The following CAMK4 variants were observed in gnomAD, a reference collection of about 807,000 sequenced individuals.
The protein encoded by CAMK4 is calcium/calmodulin dependent protein kinase IV, also known as calcium/calmodulin-dependent protein kinase type IV.
CAMK4 carries 22 observed loss-of-function variants against 44.9 expected under a neutral mutation model. That is an observed-to-expected ratio of 0.49 (90% CI 0.35 to 0.70). CAMK4 has a LOEUF of 0.70. Ranked by LOEUF, CAMK4 falls within the 30% of genes least tolerant of loss-of-function variation. CAMK4 has a pLI of 0.01. For synonymous variants in CAMK4, 218 were observed against 215.4 expected (o/e 1.01, Z -0.11); for missense variants, 498 against 586.8 (o/e 0.85, Z 1.56).
chr5:111,468,169 G>C (rs1283203426), intron 7 of CAMK4, among the ~76,000 whole-genome samples: 3 of 152,126 alleles, frequency 2.0e-5, no homozygotes, highest in Admixed American at 6.5e-5. Flanking sequence ...GGAGACTCAG[G>C]GGAAAGGGTG....
intron 1 of CAMK4, among the ~76,000 whole-genome samples, chr5:111,234,474 T>G (rs1748625223): frequency 6.6e-6 from 1 of 151,792 alleles, no homozygotes; most frequent in Non-Finnish European, 1.5e-5. Context: ...GGTCATGGAG[T>G]TGAGAGGGAA....
At chr5:111,351,056 C>T (rs1428349471) in intron 2 of CAMK4, among the ~76,000 whole-genome samples, 1 of 152,074 alleles carries the variant, frequency 6.6e-6, no homozygotes, top group African/African-American at 2.4e-5. Flanking sequence ...ACTGGGTAAA[C>T]TGAGGATTAC....
rs533862556 is a variant in CAMK4, at chr5:111,465,327, A to T, written c.626-7984A>T. Among the ~76,000 whole-genome samples, 9 of 152,172 alleles carry T rather than the reference A, an allele frequency of 5.9e-5. No homozygotes were observed. In the East Asian group the frequency reaches 1.7e-3, roughly 29 times the overall value. On this transcript the variant is annotated intron_variant, in intron 7 of 10. Coordinates refer to ENST00000282356, the MANE Select transcript of CAMK4 (RefSeq NM_001744.6). ...ACAAGAACAAACCCAACTCAACCCA[A>T]GCAGAAGAAAAGAAATAACTAAGAT...
At chr5:111,413,019 G>A (rs1204598571) in intron 5 of CAMK4, among the ~76,000 whole-genome samples, 4 of 152,088 alleles carry the variant, frequency 2.6e-5, no homozygotes, top group African/African-American at 9.7e-5. Flanking sequence ...ACTGCTGTAC[G>A]CCGCTGCTTC....
At chr5:111,425,634 T>C (rs1300487990) in intron 5 of CAMK4, among the ~76,000 whole-genome samples, 1 of 152,258 alleles carries the variant, frequency 6.6e-6, no homozygotes, top group Non-Finnish European at 1.5e-5. Flanking sequence ...ATTAGCATGG[T>C]TTGTTATGAC....
intron 5 of CAMK4, among the ~76,000 whole-genome samples, chr5:111,413,792 C>CT (rs1406575099): frequency 1.3e-5 from 2 of 151,972 alleles, no homozygotes; most frequent in African/African-American, 2.4e-5. Context: ...TGTAAAATCA[C>CT]TACCAATACG....
chr5:111,336,393 A>G (rs547535049), intron 1 of CAMK4, among the ~76,000 whole-genome samples: 1 of 151,366 alleles, frequency 6.6e-6, no homozygotes, highest in Non-Finnish European at 1.5e-5. Context: ...TTTTATTTTT[A>G]TATGAACATG....
intron 5 of CAMK4, among the ~76,000 whole-genome samples, chr5:111,427,638 A>G (rs911085184): frequency 1.2e-4 from 18 of 152,180 alleles, no homozygotes; most frequent in African/African-American, 4.1e-4. Context: ...GGTAGTGGCT[A>G]TGGGCTGCTC....
chr5:111,350,961 T>C (rs1368861412), intron 2 of CAMK4, among the ~76,000 whole-genome samples: 1 of 152,116 alleles, frequency 6.6e-6, no homozygotes, highest in Non-Finnish European at 1.5e-5. Context: ...TTGTTCCAAT[T>C]TCTTGGTAGA....
At chr5:111,469,652 G>A (rs778695652) in intron 7 of CAMK4, among the ~76,000 whole-genome samples, 3 of 152,194 alleles carry the variant, frequency 2.0e-5, no homozygotes, top group African/African-American at 4.8e-5. Context: ...TGGCCTGCAC[G>A]GGGTGGGAGG....
chr5:111,258,780 T>TGTGC (rs1193017168), intron 1 of CAMK4, among the ~76,000 whole-genome samples: 1 of 147,454 alleles, frequency 6.8e-6, no homozygotes, highest in Non-Finnish European at 1.5e-5. Context: ...TGTGTGTGTG[T>TGTGC]GTGCAGTCTT....
At chr5:111,395,962 A>G (rs1751991743) in intron 5 of CAMK4, among the ~76,000 whole-genome samples, 1 of 152,182 alleles carries the variant, frequency 6.6e-6, no homozygotes, top group Admixed American at 6.5e-5. Flanking sequence ...TTTAACTAAA[A>G]TCATTATCCA....
At chr5:111,323,071 G>C (rs1027600931) in intron 1 of CAMK4, among the ~76,000 whole-genome samples, 3 of 151,928 alleles carry the variant, frequency 2.0e-5, no homozygotes, top group African/African-American at 7.2e-5. Context: ...GTGATAAATG[G>C]GCAGAAAAAA....
chr5:111,437,407 C>T (rs903455758), intron 5 of CAMK4, among the ~76,000 whole-genome samples: 1 of 152,098 alleles, frequency 6.6e-6, no homozygotes, highest in Non-Finnish European at 1.5e-5. Flanking sequence ...CATTCAAAAG[C>T]GTTTACTGAA....
intron 1 of CAMK4, among the ~76,000 whole-genome samples, chr5:111,313,512 T>G (rs1580573033): frequency 6.6e-6 from 1 of 152,084 alleles, no homozygotes; most frequent in Admixed American, 6.6e-5. Flanking sequence ...ACTAAGAACA[T>G]AAGTGATGAA....
At chr5:111,478,349 GA>G (rs1466914224) in intron 8 of CAMK4, 31 bp from the exon 9 acceptor site, 1 of 1,387,802 alleles carries the variant, frequency 7.2e-7, no homozygotes, top group South Asian at 1.4e-5. Flanking sequence ...AGCTTTTAAA[GA>G]CATTTTATTC....
chr5:111,283,277 T>G (rs1366030898), intron 1 of CAMK4, among the ~76,000 whole-genome samples: 1 of 152,210 alleles, frequency 6.6e-6, no homozygotes, highest in Non-Finnish European at 1.5e-5. Flanking sequence ...TAGACTTATA[T>G]GTAGATCTTA....
chr5:111,432,914 G>A (rs1446150873), intron 5 of CAMK4, among the ~76,000 whole-genome samples: 1 of 151,984 alleles, frequency 6.6e-6, no homozygotes, highest in Non-Finnish European at 1.5e-5. Flanking sequence ...GTACAGAGAT[G>A]AATAAGACAA....
Position 111,333,500 on chromosome 5 carries a change from C to G in CAMK4, c.162-10524C>G, listed in dbSNP as rs371540094. Among the ~76,000 whole-genome samples the G allele has an allele frequency of 2.3e-4, 35 of 151,774 alleles. No individual in the cohort carries two copies. In the South Asian group the frequency reaches 3.7e-3, roughly 16 times the overall value. On this transcript the variant is annotated intron_variant, in intron 1 of 10. Transcript: ENST00000282356. The stretch of plus-strand genomic sequence containing the variant: ...TATTTTGTGATTGAGAACCAATACT[C>G]AAGCTATCTGATAATTTGAGGCTGT...
Sources: gnomAD v4.1 joint callset for allele counts (sites outside exome capture counted in the v4.1 genomes callset) on GRCh38, gnomAD v4.1.1 for gene constraint, MANE v1.5 for transcripts, NCBI Gene and HGNC (gene_info 2026-07-23, HGNC 2026-07-21) for gene names.